CACNG8: variants seen among roughly 807,000 people sequenced by gnomAD.
CACNG8 encodes voltage-dependent calcium channel gamma-8 subunit.
CACNG8 carries 5 observed loss-of-function variants against 26.9 expected under a neutral mutation model. The observed-to-expected ratio is 0.19, with a 90% CI of 0.10 to 0.39. CACNG8 has a LOEUF of 0.39. CACNG8 is among the 10% of genes least tolerant of loss of function. CACNG8 has a pLI of 1.00. For missense variants in CACNG8, 473 were observed against 609.4 expected (o/e 0.78, Z 2.36); for synonymous variants, 321 against 296.7 (o/e 1.08, Z -0.84).
At chr19:53,980,588 GAGA>G (rs759867234) in intron 3 of CACNG8, among the ~76,000 whole-genome samples, 17 of 152,288 alleles carry the variant, frequency 1.1e-4, no homozygotes, top group Middle Eastern at 3.4e-3. Context: ...TGGCCATTTG[GAGA>G]AGGAGAGGCT....
intron 1 of CACNG8, among the ~76,000 whole-genome samples, chr19:53,968,637 G>T (rs376916758): frequency 6.6e-6 from 1 of 151,744 alleles, no homozygotes; most frequent in African/African-American, 2.4e-5. Flanking sequence ...GCGTGGTGGC[G>T]TGTACCTATA....
At chr19:53,973,245 G>A (rs1256854769) in intron 1 of CACNG8, among the ~76,000 whole-genome samples, 4 of 152,300 alleles carry the variant, frequency 2.6e-5, no homozygotes, top group African/African-American at 9.6e-5. Context: ...GACCAGGCTG[G>A]GCGCGGTGGC....
Position 53,982,651 on chromosome 19 carries a change from G to A in CACNG8, c.1080G>A (p.Gly360=), listed in dbSNP as rs1372099437. Residue 360 remains glycine (G), a synonymous_variant, in exon 4 of 4, where the codon GGG becomes GGA. Coordinates refer to ENST00000270458, the MANE Select transcript of CACNG8 (RefSeq NM_031895.6). This position sits in a 1 kb window ranked among gnomAD's most constrained non-coding sequence, Gnocchi z 8.4. ...GGGCGGGTGCCGAGCGGGACCGCGG[G>A]GGGGCGTCCGGCTTCCTCACGCTGC... is the stretch of plus-strand genomic sequence containing the variant. The A allele has an allele frequency of 1.9e-6, 2 of 1,061,292 alleles. No individual in the cohort carries two copies. The highest frequency in any genetic ancestry group is 1.7e-5 in the African/African-American group (1 of 58,598). The allele number at this position is 1,061,292 out of a possible 1,614,324, so 65.7% of individuals were successfully genotyped here.
Position 53,980,019 on chromosome 19 carries a change from A to C in CACNG8, c.508+12A>C. On this transcript the variant is annotated intron_variant, in intron 3 of 3. Transcript: ENST00000270458. The stretch of plus-strand genomic sequence containing the variant: ...GTTCGTGGCAGCAGGTGAGAGGCAG[A>C]GGGAGGGGGCGACCGGGGCGGCCCA... The C allele has an allele frequency of 6.2e-7, 1 of 1,600,270 alleles. No homozygotes were observed. The highest frequency in any genetic ancestry group is 2.3e-5 in the East Asian group (1 of 44,344).
intron 1 of CACNG8, among the ~76,000 whole-genome samples, chr19:53,971,913 A>G (rs1054499726): frequency 1.3e-5 from 2 of 151,984 alleles, no homozygotes; most frequent in Admixed American, 1.3e-4. Flanking sequence ...GGGCCATGAC[A>G]TCACCATCCA....
intron 1 of CACNG8, among the ~76,000 whole-genome samples, chr19:53,973,487 C>T (rs758879182): frequency 4.6e-5 from 7 of 151,952 alleles, no homozygotes; most frequent in Non-Finnish European, 1.0e-4. Flanking sequence ...TGTGCCAATG[C>T]ACTCCAGCCT....
At chr19:53,976,183 G>C (rs1490046274) in intron 1 of CACNG8, among the ~76,000 whole-genome samples, 2 of 152,188 alleles carry the variant, frequency 1.3e-5, no homozygotes, top group Non-Finnish European at 2.9e-5. Flanking sequence ...GGGAAACCCT[G>C]TCTATACAGA....
chr19:53,982,479 A>C lies in CACNG8; in HGVS notation c.908A>C (p.Asp303Ala). ...GGGGGCCCGGGCTTTGCCTCCACGG[A>C]CATCTCCATGTACACGCTCAGCCGC... Residue 303 changes from aspartate (D) to alanine (A), a missense_variant, in exon 4 of 4, where the codon GAC (aspartate) becomes GCC (alanine). Around this residue, in one of 6 missense-constraint regions of CACNG8, gnomAD observed 212 missense variants for 214.4 expected, o/e 0.99. Transcript: ENST00000270458. The surrounding 1 kb of genome is among the most constrained non-coding windows in gnomAD (Gnocchi z 8.4). 3 of 1,512,324 alleles carry C rather than the reference A, an allele frequency of 2.0e-6. No homozygotes were observed. The highest frequency in any genetic ancestry group is 2.6e-6 in the Non-Finnish European group (3 of 1,137,938). The allele number at this position is 1,512,324 out of a possible 1,614,324, so 93.7% of individuals were successfully genotyped here. A position where few individuals can be genotyped will look rare whatever the true frequency, so the allele number is the denominator to read the frequency against.
In CACNG8 at chr19:53,982,398, C is replaced by G. The variant is rs565464295; in HGVS notation, c.827C>G (p.Ser276Cys). The G allele has an allele frequency of 6.6e-7, 1 of 1,525,542 alleles. No individual in the cohort carries two copies. The highest frequency in any genetic ancestry group is 8.8e-7 in the Non-Finnish European group (1 of 1,142,592). The allele number at this position is 1,525,542 out of a possible 1,614,324, so 94.5% of individuals were successfully genotyped here. Residue 276 changes from serine (S) to cysteine (C), a missense_variant, in exon 4 of 4, where the codon TCT becomes TGT. By Grantham distance (112) the Ser-to-Cys change is moderately radical. Around this residue, in one of 6 missense-constraint regions of CACNG8, gnomAD observed 155 missense variants for 253.0 expected, o/e 0.61. Transcript: ENST00000270458. The surrounding 1 kb of genome is among the most constrained non-coding windows in gnomAD (Gnocchi z 8.4). ...TTCCGCTACCGCCGCCGCTCCCGCTCTAGCTCCCGCTCCAGCGAGCCGTCG... is the reference window on the plus strand; with the variant it reads ...TTCCGCTACCGCCGCCGCTCCCGCTGTAGCTCCCGCTCCAGCGAGCCGTCG...
At chr19:53,964,109 C>T (rs1438591639) in intron 1 of CACNG8, among the ~76,000 whole-genome samples, 1 of 152,028 alleles carries the variant, frequency 6.6e-6, no homozygotes, top group East Asian at 1.9e-4. Flanking sequence ...GCCTCTTTCT[C>T]CCTCTTTCCC....
rs983351960 is a variant in CACNG8 at position 53,963,067 on chromosome 19, C to G, written c.-76C>G. On this transcript the variant is annotated 5_prime_UTR_variant, in exon 1 of 4. Coordinates refer to ENST00000270458, the MANE Select transcript of CACNG8 (RefSeq NM_031895.6). ...CCGCTTCTGCCTGCGCTGTGAACCC[C>G]CCCCCAGCCGCCGGCACGGCCCCGC... 6.5e-6 allele frequency: 6 copies of G among 920,036 alleles called. No individual in the cohort carries two copies. Among genetic ancestry groups the G allele is most frequent in the Admixed American group, 8.3e-5 (2 of 24,046 alleles). The allele number at this position is 920,036 out of a possible 1,614,324, so 57.0% of individuals were successfully genotyped here.
At chr19:53,980,106 A>C (rs1021362144) in intron 3 of CACNG8, 99 bp downstream of exon 3, 1 of 1,266,836 alleles carries the variant, frequency 7.9e-7, no homozygotes. Context: ...GCGTGAGTGC[A>C]AGTGCGCGTT....
rs769582715 is a variant in CACNG8 at position 53,985,802 on chromosome 19, C to T, written c.*2953C>T. The T allele has an allele frequency of 2.0e-5, 3 of 150,700 alleles. No individual in the cohort carries two copies. The highest frequency in any genetic ancestry group is 4.4e-5 in the Non-Finnish European group (3 of 67,986). The allele number at this position is 150,700 out of a possible 1,614,324, so 9.3% of individuals were successfully genotyped here. ...AGTGACCCGTGATGGCACCACTGCG[C>T]TCCAGCCTGGGCGAAAGAGCGAGAC... is the stretch of plus-strand genomic sequence containing the variant. On this transcript the variant is annotated 3_prime_UTR_variant, in exon 4 of 4. Coordinates refer to ENST00000270458, the MANE Select transcript of CACNG8 (RefSeq NM_031895.6).
intron 1 of CACNG8, among the ~76,000 whole-genome samples, chr19:53,968,787 AAAAAG>A (rs1207831043): frequency 1.3e-5 from 2 of 150,896 alleles, no homozygotes; most frequent in African/African-American, 4.9e-5. Context: ...AAAAAAAAAA[AAAAAG>A]GGAGGGAGGT....
chr19:53,968,782 A>AAAG (rs1266672080), intron 1 of CACNG8, among the ~76,000 whole-genome samples: 1 of 150,766 alleles, frequency 6.6e-6, no homozygotes, highest in African/African-American at 2.4e-5. Context: ...AAAAAAAAAA[A>AAAG]AAAAAAAAAG....
Position 53,989,688 on chromosome 19 carries a change from G to A in CACNG8, c.*6839G>A, listed in dbSNP as rs556211635. The A allele has an allele frequency of 6.6e-6, 1 of 152,330 alleles. No homozygotes were observed. Among genetic ancestry groups the A allele is most frequent in the Admixed American group, 6.5e-5 (1 of 15,298 alleles). The allele number at this position is 152,330 out of a possible 1,614,324, so 9.4% of individuals were successfully genotyped here. On this transcript the variant is annotated 3_prime_UTR_variant, in exon 4 of 4. Coordinates refer to ENST00000270458, the MANE Select transcript of CACNG8 (RefSeq NM_031895.6). The stretch of plus-strand genomic sequence containing the variant: ...AACGCAGCAGGCCCCTCCCCTAGCT[G>A]GGGCGGGGATGTCTGTGTGCCATCA...
chr19:53,983,263 A>G lies in CACNG8; in HGVS notation c.*414A>G, dbSNP rs1411939070. On this transcript the variant is annotated 3_prime_UTR_variant, in exon 4 of 4. Transcript: ENST00000270458. ...CACGAATACATAGTTACACCCACAA[A>G]CTATATATATGCCCTATATAAAGAG... 6.6e-6 allele frequency: 1 copy of G among 152,512 alleles called. No homozygotes were observed. The highest frequency in any genetic ancestry group is 2.4e-5 in the African/African-American group (1 of 41,438). The allele number at this position is 152,512 out of a possible 1,614,324, so 9.4% of individuals were successfully genotyped here. A position where few individuals can be genotyped will look rare whatever the true frequency, so the allele number is the denominator to read the frequency against.
At position 53,982,298 on chromosome 19, in the gene CACNG8, C is replaced by A; in HGVS notation, c.727C>A (p.Leu243Ile). 6.2e-7 allele frequency: 1 copy of A among 1,606,582 alleles called. No homozygotes were observed. The highest frequency in any genetic ancestry group is 8.5e-7 in the Non-Finnish European group (1 of 1,177,252). The change falls in exon 4 of 4, where the codon CTC becomes ATC. Residue 243 changes from leucine to isoleucine, a missense_variant. Physicochemically the swap from Leu to Ile is conservative, Grantham distance 5. Around this residue, in one of 6 missense-constraint regions of CACNG8, gnomAD observed 155 missense variants for 253.0 expected, o/e 0.61. Coordinates refer to ENST00000270458, the MANE Select transcript of CACNG8 (RefSeq NM_031895.6). This position sits in a 1 kb window ranked among gnomAD's most constrained non-coding sequence, Gnocchi z 8.4. ...GCACTGCCAGTCTCGCTCGGACCTGCTCAAGGCCGGCGGGGGCGCGGGCGG... is the reference window on the plus strand; with the variant it reads ...GCACTGCCAGTCTCGCTCGGACCTGATCAAGGCCGGCGGGGGCGCGGGCGG...
At chr19:53,965,814 G>A (rs10420331) in intron 1 of CACNG8, among the ~76,000 whole-genome samples, 72,377 of 151,064 alleles carry the variant, frequency 0.48, 17,860 homozygotes, top group Middle Eastern at 0.59. Flanking sequence ...GATCCCCGTG[G>A]GAAGTAGATA....
Sources: gnomAD v4.1 joint callset for allele counts (sites outside exome capture counted in the v4.1 genomes callset) on GRCh38, gnomAD v4.1.1 for gene constraint, gnomAD v4.1.1 regional missense constraint, Gnocchi (gnomAD v3.1) non-coding constraint, MANE v1.5 for transcripts, NCBI Gene and HGNC (gene_info 2026-07-23, HGNC 2026-07-21) for gene names.